Variants in FILIP1L observed in about 807,000 individuals in gnomAD.
FILIP1L encodes filamin A-interacting protein 1-like.
Under a neutral mutation model 96.6 loss-of-function variants are expected in FILIP1L, and 55 were observed. That is an observed-to-expected ratio of 0.57 (90% CI 0.46 to 0.71). FILIP1L has a LOEUF of 0.71. Among genes scored for constraint, FILIP1L ranks in the 30% least tolerant of loss-of-function variants. The probability of loss-of-function intolerance (pLI) is 0.00; values close to 1 mark genes in which losing one functional copy is unlikely to be tolerated. For synonymous variants in FILIP1L, 467 were observed against 473.9 expected (o/e 0.99, Z 0.19); for missense variants, 1,304 against 1,321.2 (o/e 0.99, Z 0.20).
At chr3:99,926,149 G>A (rs1053947630) in intron 3 of FILIP1L, among the ~76,000 whole-genome samples, 1 of 152,182 alleles carries the variant, frequency 6.6e-6, no homozygotes, top group African/African-American at 2.4e-5. Context: ...GCATGTACTT[G>A]ACTAGAAATG....
At chr3:99,862,161 G>C (rs940209133) in intron 4 of FILIP1L, among the ~76,000 whole-genome samples, 1 of 151,972 alleles carries the variant, frequency 6.6e-6, no homozygotes, top group Non-Finnish European at 1.5e-5. Context: ...ACAATATCTA[G>C]ATATATAAAA....
chr3:99,842,606 G>A (rs548380789), intron 5 of FILIP1L, among the ~76,000 whole-genome samples: 2 of 151,492 alleles, frequency 1.3e-5, no homozygotes. Flanking sequence ...AAGAAAACTA[G>A]TTTCAGTTTT....
chr3:99,848,180 G>A (rs1183149264), intron 5 of FILIP1L, 115 bp downstream of exon 5: 1 of 1,539,802 alleles, frequency 6.5e-7, no homozygotes, highest in African/African-American at 1.4e-5. Flanking sequence ...CAAAGTACGA[G>A]TTCAGTCAGT....
chr3:99,961,292 GT>G (rs1372281481), intron 1 of FILIP1L, among the ~76,000 whole-genome samples: 2 of 151,970 alleles, frequency 1.3e-5, no homozygotes, highest in Non-Finnish European at 2.9e-5. Context: ...GGATTATTTT[GT>G]TTTGTTTTGT....
chr3:100,086,115 G>T (rs2066004407), intron 1 of FILIP1L, among the ~76,000 whole-genome samples: 1 of 152,200 alleles, frequency 6.6e-6, no homozygotes, highest in Admixed American at 6.5e-5. Context: ...AAATAAACAT[G>T]TATCTTTCTG....
At chr3:100,032,581 T>C (rs139559480) in intron 1 of FILIP1L, among the ~76,000 whole-genome samples, 46 of 152,328 alleles carry the variant, frequency 3.0e-4, no homozygotes, top group South Asian at 6.2e-4. Flanking sequence ...AAAATGCATT[T>C]TGTATCACAA....
chr3:100,037,429 A>G (rs952510719), intron 1 of FILIP1L, among the ~76,000 whole-genome samples: 1 of 152,152 alleles, frequency 6.6e-6, no homozygotes, highest in Non-Finnish European at 1.5e-5. Flanking sequence ...AAATTTAACA[A>G]AAGATTAAAA....
At chr3:100,057,837 CT>C (rs1292093906) in intron 1 of FILIP1L, among the ~76,000 whole-genome samples, 3 of 152,170 alleles carry the variant, frequency 2.0e-5, no homozygotes, top group Non-Finnish European at 2.9e-5. Context: ...TGCCCTCATC[CT>C]TGTTTAGAAT....
intron 1 of FILIP1L, among the ~76,000 whole-genome samples, chr3:99,948,898 C>A (rs1158252608): frequency 6.6e-6 from 1 of 152,154 alleles, no homozygotes; most frequent in Non-Finnish European, 1.5e-5. Context: ...AGACTGGACA[C>A]CCTCATTGTA....
At chr3:99,970,373 T>G (rs1269362976) in intron 1 of FILIP1L, among the ~76,000 whole-genome samples, 5 of 152,214 alleles carry the variant, frequency 3.3e-5, no homozygotes, top group African/African-American at 9.6e-5. Flanking sequence ...GAGACCAAAC[T>G]CCTCTTAAGC....
chr3:100,024,511 C>A (rs1248612508), intron 1 of FILIP1L, among the ~76,000 whole-genome samples: 1 of 152,104 alleles, frequency 6.6e-6, no homozygotes, highest in African/African-American at 2.4e-5. Flanking sequence ...TTAGACTATT[C>A]AATGTACCTT....
rs1306152795 is a variant in FILIP1L, at chr3:99,983,399, T to A, written c.-10-52369A>T. On this transcript the variant is annotated intron_variant, in intron 1 of 5. Transcript: ENST00000477258. ...AAAAATAAATAAATAAATATATATA[T>A]ATATATATATATATATATATGTATG... is the stretch of plus-strand genomic sequence containing the variant. Among the ~76,000 whole-genome samples the A allele has an allele frequency of 1.2e-3, 126 of 109,322 alleles. 1 individual carries two copies. The highest frequency in any genetic ancestry group is 4.8e-3 in the African/African-American group (123 of 25,746). The allele number at this position is 109,322 out of a possible 152,430, so 71.7% of individuals were successfully genotyped here. A position where few individuals can be genotyped will look rare whatever the true frequency, so the allele number is the denominator to read the frequency against.
At chr3:99,872,260 G>C (rs1257793215) in intron 4 of FILIP1L, among the ~76,000 whole-genome samples, 2 of 128,158 alleles carry the variant, frequency 1.6e-5, no homozygotes, top group East Asian at 5.2e-4. Context: ...TGGATATTCT[G>C]TGCCAGGACT....
At position 100,097,729 on chromosome 3, in the gene FILIP1L, T is replaced by C. The variant is rs531080264; in HGVS notation, c.-11+16324A>G. On this transcript the variant is annotated intron_variant, in intron 1 of 5. Coordinates refer to ENST00000477258, the MANE Select transcript of FILIP1L (RefSeq NM_001387850.1). ...ATAGACTCTAATAATTAGTTCTGGA[T>C]TTGAATATTCTTCGTTATTTGGCAA... is the stretch of plus-strand genomic sequence containing the variant. Among the ~76,000 whole-genome samples, 10 of 152,338 alleles carry C rather than the reference T, an allele frequency of 6.6e-5. 1 individual carries two copies. In the South Asian group the frequency reaches 1.9e-3, roughly 28 times the overall value.
At chr3:99,842,288 A>C (rs1943167587) in intron 5 of FILIP1L, among the ~76,000 whole-genome samples, 1 of 152,226 alleles carries the variant, frequency 6.6e-6, no homozygotes, top group Admixed American at 6.5e-5. Context: ...AGCTATGAGG[A>C]CACAGAGGCA....
intron 1 of FILIP1L, among the ~76,000 whole-genome samples, chr3:99,963,121 A>T (rs1325003500): frequency 1.3e-5 from 2 of 152,214 alleles, no homozygotes; most frequent in Admixed American, 1.3e-4. Context: ...AGGGTAAAAT[A>T]ATTAGGATAA....
intron 3 of FILIP1L, among the ~76,000 whole-genome samples, chr3:99,926,107 T>G (rs1707285339): frequency 6.6e-6 from 1 of 152,222 alleles, no homozygotes. Flanking sequence ...CATTGTGAAT[T>G]TAAAGCCAAT....
chr3:100,091,225 C>A (rs2066100972), intron 1 of FILIP1L, among the ~76,000 whole-genome samples: 1 of 147,856 alleles, frequency 6.8e-6, no homozygotes, highest in African/African-American at 2.5e-5. Context: ...GCGGAACTTG[C>A]AGTGAGCCGA....
At chr3:99,959,400 T>A (rs559461079) in intron 1 of FILIP1L, among the ~76,000 whole-genome samples, 10 of 152,344 alleles carry the variant, frequency 6.6e-5, no homozygotes, top group African/African-American at 2.4e-4. Flanking sequence ...TCTGCCTGAC[T>A]CAGACTCCCA....
Sources: allele counts gnomAD v4.1 joint callset (sites outside exome capture counted in the v4.1 genomes callset), GRCh38; gene constraint gnomAD v4.1.1; transcripts MANE v1.5; gene names NCBI Gene and HGNC (gene_info 2026-07-23, HGNC 2026-07-21).